The following LAMP1 variants were observed in gnomAD, a reference collection of about 807,000 sequenced individuals.
LAMP1 encodes the protein lysosome-associated membrane glycoprotein 1.
Under a neutral mutation model 37.5 loss-of-function variants are expected in LAMP1, and 7 were observed. The observed-to-expected ratio is 0.19, with a 90% CI of 0.11 to 0.35. LAMP1 has a LOEUF of 0.35. Ranked by LOEUF, LAMP1 falls within the 10% of genes least tolerant of loss-of-function variation. The pLI is 1.00. For synonymous variants in LAMP1, 236 were observed against 229.1 expected (o/e 1.03, Z -0.27); for missense variants, 537 against 552.8 (o/e 0.97, Z 0.29).
In LAMP1 at chr13:113,315,161, G is replaced by T. The variant is rs373125224; in HGVS notation, c.562+4294G>T. Among the ~76,000 whole-genome samples, 3 of 147,516 alleles carry T rather than the reference G, an allele frequency of 2.0e-5. No individual in the cohort carries two copies. In the South Asian group the frequency reaches 6.4e-4, roughly 32 times the overall value. On this transcript the variant is annotated intron_variant, in intron 4 of 8. Transcript: ENST00000332556. ...AGGGAGTCAGTGCGGAGATGCCCGT[G>T]TGCCTGGGGCGTGGCCTCCCGGAGG...
rs780041684 is a variant in LAMP1, at chr13:113,306,834, C to CT, written c.183+251dup. On this transcript the variant is annotated intron_variant, in intron 2 of 8. Coordinates refer to ENST00000332556, the MANE Select transcript of LAMP1 (RefSeq NM_005561.4). ...CTCACTGTTCATCATGAACATTTTC[C>CT]TTTTTTTTTTTTTTTTTTTTTTTGA... Among the ~76,000 whole-genome samples the CT allele has an allele frequency of 6.3e-3, 505 of 80,114 alleles. 73 individuals are homozygous for CT. Among genetic ancestry groups the CT allele is most frequent in the African/African-American group, 0.02 (418 of 20,544 alleles). The allele number at this position is 80,114 out of a possible 152,430, so 52.6% of individuals were successfully genotyped here.
At chr13:113,308,228 C>T (rs1038128417) in intron 2 of LAMP1, among the ~76,000 whole-genome samples, 5 of 150,844 alleles carry the variant, frequency 3.3e-5, no homozygotes, top group Non-Finnish European at 7.4e-5. Context: ...GTTGGCCAGG[C>T]TGGTCTTAAA....
intron 3 of LAMP1, among the ~76,000 whole-genome samples, chr13:113,310,236 A>C (rs2042622860): frequency 6.6e-6 from 1 of 151,578 alleles, no homozygotes; most frequent in Admixed American, 6.6e-5. Context: ...CTAAAAAATA[A>C]AAAACACACA....
intron 2 of LAMP1, among the ~76,000 whole-genome samples, chr13:113,308,120 G>A (rs2042609808): frequency 6.6e-6 from 1 of 151,872 alleles, no homozygotes; most frequent in South Asian, 2.1e-4. Context: ...GTTTGAGTGA[G>A]TCTCGTGCCT....
intron 1 of LAMP1, among the ~76,000 whole-genome samples, chr13:113,298,192 G>A (rs894099842): frequency 2.6e-5 from 4 of 152,226 alleles, no homozygotes; most frequent in African/African-American, 9.6e-5. Flanking sequence ...GTAGTTTAAA[G>A]AGCGCCGTTC....
chr13:113,302,898 C>G (rs372893323), intron 1 of LAMP1, among the ~76,000 whole-genome samples: 5 of 152,222 alleles, frequency 3.3e-5, no homozygotes, highest in East Asian at 3.8e-4. Flanking sequence ...ATGCCTTAAT[C>G]TCCCTATGAA....
chr13:113,322,208 A>G, intron 8 of LAMP1, 74 bp from the exon 9 acceptor site: 3 of 1,469,808 alleles, frequency 2.0e-6, no homozygotes, highest in Admixed American at 2.2e-5. Flanking sequence ...GATGTGGGGG[A>G]GTGGTGGGGA....
chr13:113,309,919 C>A, intron 3 of LAMP1, 57 bp downstream of exon 3: 1 of 1,403,182 alleles, frequency 7.1e-7, no homozygotes, highest in Non-Finnish European at 1.0e-6. Context: ...GGAGGATTGT[C>A]TAAAGTTACT....
chr13:113,323,650 A>T lies in LAMP1; in HGVS notation c.*1229A>T, dbSNP rs979903572. ...GTAACATGATAATTTTTAAATCATT[A>T]AAAAAATTACCTTTCATACAGATAC... On this transcript the variant is annotated 3_prime_UTR_variant, in exon 9 of 9. Coordinates refer to ENST00000332556, the MANE Select transcript of LAMP1 (RefSeq NM_005561.4). The T allele has an allele frequency of 2.6e-5, 4 of 152,034 alleles. No individual in the cohort carries two copies. The highest frequency in any genetic ancestry group is 9.7e-5 in the African/African-American group (4 of 41,372). 9.4% of individuals were successfully genotyped at this position (152,034 alleles called of 1,614,324 possible).
intron 4 of LAMP1, among the ~76,000 whole-genome samples, chr13:113,317,590 G>A (rs748146693): frequency 2.4e-4 from 37 of 152,114 alleles, no homozygotes; most frequent in Non-Finnish European, 5.1e-4. Context: ...TGTGCGTCGT[G>A]TGGCCATCTA....
intron 4 of LAMP1, among the ~76,000 whole-genome samples, chr13:113,315,028 G>A (rs866172431): frequency 7.8e-5 from 10 of 128,558 alleles, no homozygotes; most frequent in African/African-American, 2.2e-4. Flanking sequence ...TGCCTGGGGC[G>A]TGGCCTCCTG....
intron 4 of LAMP1, among the ~76,000 whole-genome samples, chr13:113,313,009 C>T (rs2042638707): frequency 2.0e-5 from 3 of 152,228 alleles, no homozygotes; most frequent in African/African-American, 7.2e-5. Flanking sequence ...AGGGCACGCA[C>T]TCTCTGTCAG....
chr13:113,306,024 G>C (rs1445778902), intron 1 of LAMP1: 1 of 154,448 alleles, frequency 6.5e-6, no homozygotes, highest in African/African-American at 2.4e-5. Flanking sequence ...CAGGTGAACT[G>C]GCTGCGTAAT....
At chr13:113,300,508 AAAAG>A (rs1439934412) in intron 1 of LAMP1, among the ~76,000 whole-genome samples, 3 of 150,894 alleles carry the variant, frequency 2.0e-5, no homozygotes, top group African/African-American at 4.9e-5. Flanking sequence ...AAAAAAAAGA[AAAAG>A]AAAAGAAAGA....
At chr13:113,307,469 C>T (rs536221113) in intron 2 of LAMP1, among the ~76,000 whole-genome samples, 21 of 152,214 alleles carry the variant, frequency 1.4e-4, no homozygotes, top group Non-Finnish European at 2.2e-4. Flanking sequence ...TAGTTTTCTT[C>T]GTGATTGTCT....
At chr13:113,313,600 G>C (rs567711478) in intron 4 of LAMP1, among the ~76,000 whole-genome samples, 357 of 150,960 alleles carry the variant, frequency 2.4e-3, no homozygotes, top group African/African-American at 8.5e-3. Flanking sequence ...TGGCCTCCTG[G>C]AGGGAACCAG....
rs764095191 is a variant in LAMP1 at position 113,297,499 on chromosome 13, A to AG, written c.61+9dup. Reference sequence around the variant, plus strand: ...CTACTGCTGTTGCTGCTGCTCGGTGAGGGGGTCGAGGCGGGGCCTGGGAGC... The same window carrying AG: ...CTACTGCTGTTGCTGCTGCTCGGTGAGGGGGGTCGAGGCGGGGCCTGGGAGC... On this transcript the variant is annotated splice_donor_region_variant and intron_variant, in intron 1 of 8. Transcript: ENST00000332556. The surrounding 1 kb of genome is among the most constrained non-coding windows in gnomAD (Gnocchi z 4.4). 8.0e-6 allele frequency: 10 copies of AG among 1,245,772 alleles called. No individual in the cohort carries two copies. In the East Asian group the frequency reaches 1.6e-4, roughly 20 times the overall value. 77.2% of individuals were successfully genotyped at this position (1,245,772 alleles called of 1,614,324 possible).
At position 113,322,449 on chromosome 13, in the gene LAMP1, A is replaced by T. The variant is rs1352668122; in HGVS notation, c.*28A>T. The T allele has an allele frequency of 1.3e-6, 2 of 1,590,068 alleles. No homozygotes were observed. The highest frequency in any genetic ancestry group is 1.7e-6 in the Non-Finnish European group (2 of 1,163,278). ...TGGTGCACGCAGGCACAGCAGCTGCAGGGGCCTCTGTTCCTTTCTCTGGGC... is the reference window on the plus strand; with the variant it reads ...TGGTGCACGCAGGCACAGCAGCTGCTGGGGCCTCTGTTCCTTTCTCTGGGC... On this transcript the variant is annotated 3_prime_UTR_variant, in exon 9 of 9. Coordinates refer to ENST00000332556, the MANE Select transcript of LAMP1 (RefSeq NM_005561.4).
chr13:113,323,539 G>A lies in LAMP1; in HGVS notation c.*1118G>A, dbSNP rs1302882509. On this transcript the variant is annotated 3_prime_UTR_variant, in exon 9 of 9. Transcript: ENST00000332556. ...CAGAGAGAAGGGTGTCAGGGAAACGGGGGGTGAGGGTGGTCTTGGTGCCAG... is the reference window on the plus strand; with the variant it reads ...CAGAGAGAAGGGTGTCAGGGAAACGAGGGGTGAGGGTGGTCTTGGTGCCAG... 3 of 151,694 alleles carry A rather than the reference G, an allele frequency of 2.0e-5. No individual in the cohort carries two copies. The highest frequency in any genetic ancestry group is 6.6e-5 in the Admixed American group (1 of 15,224). 9.4% of individuals were successfully genotyped at this position (151,694 alleles called of 1,614,324 possible).
Sources: allele counts gnomAD v4.1 joint callset (sites outside exome capture counted in the v4.1 genomes callset), GRCh38; gene constraint gnomAD v4.1.1; non-coding constraint Gnocchi (gnomAD v3.1); transcripts MANE v1.5; gene names NCBI Gene and HGNC (gene_info 2026-07-23, HGNC 2026-07-21).